Variants in AGBL1 observed in about 807,000 individuals in gnomAD.
The protein encoded by AGBL1 is cytosolic carboxypeptidase 4.
Under a neutral mutation model 118.9 loss-of-function variants are expected in AGBL1, and 130 were observed. The ratio of observed to expected loss-of-function variants is 1.09; its 90% confidence interval spans 0.95 to 1.26. The LOEUF is 1.26. Among genes scored for constraint, AGBL1 ranks in the 50% most tolerant of loss-of-function variants. AGBL1 has a pLI of 0.00. For synonymous variants in AGBL1, 555 were observed against 478.9 expected (o/e 1.16, Z -2.08); for missense variants, 1,584 against 1,298.1 (o/e 1.22, Z -3.38).
intron 6 of AGBL1, among the ~76,000 whole-genome samples, chr15:86,228,885 C>G (rs1401564372): frequency 6.6e-6 from 1 of 152,100 alleles, no homozygotes; most frequent in Admixed American, 6.6e-5. Context: ...ATTTGGGATC[C>G]TACAAATTAA....
intron 17 of AGBL1, among the ~76,000 whole-genome samples, chr15:86,387,644 T>C (rs2081216742): frequency 6.6e-6 from 1 of 152,184 alleles, no homozygotes; most frequent in African/African-American, 2.4e-5. Flanking sequence ...AAGAAAAAGA[T>C]TTGTAGGCTG....
chr15:86,829,323 G>T (rs1430664417), intron 22 of AGBL1, among the ~76,000 whole-genome samples: 2 of 152,090 alleles, frequency 1.3e-5, no homozygotes, highest in Admixed American at 6.6e-5. Context: ...AAACCGCAAG[G>T]GTCAAGTGGG....
intron 5 of AGBL1, among the ~76,000 whole-genome samples, chr15:86,184,428 T>G (rs1374239591): frequency 6.7e-6 from 1 of 149,142 alleles, no homozygotes; most frequent in Non-Finnish European, 1.5e-5. Flanking sequence ...ATTTCTTTTT[T>G]CTTTCTTTTT....
chr15:86,252,331 G>A (rs1050159036), intron 7 of AGBL1, among the ~76,000 whole-genome samples: 1 of 152,162 alleles, frequency 6.6e-6, no homozygotes, highest in African/African-American at 2.4e-5. Context: ...GAATTCTAAA[G>A]AGAATATTAC....
Position 86,526,544 on chromosome 15 carries a change from GTA to G in AGBL1, c.2685+3634_2685+3635del, listed in dbSNP as rs1555422465. ...TGCACACAGATATGTTTGTGTCTGT[GTA>G]TATATATATATATATATATATATAT... On this transcript the variant is annotated intron_variant, in intron 19 of 22. Transcript: ENST00000614907. 6.7e-3 allele frequency among the ~76,000 whole-genome samples: 799 copies of G among 119,422 alleles called. 3 individuals are homozygous for G. Among genetic ancestry groups the G allele is most frequent in the Non-Finnish European group, 7.5e-3 (446 of 59,446 alleles). The allele number at this position is 119,422 out of a possible 152,430, so 78.3% of individuals were successfully genotyped here. A position where few individuals can be genotyped will look rare whatever the true frequency, so the allele number is the denominator to read the frequency against.
At chr15:86,445,285 G>A (rs755901833) in intron 18 of AGBL1, among the ~76,000 whole-genome samples, 9 of 152,210 alleles carry the variant, frequency 5.9e-5, no homozygotes, top group African/African-American at 1.9e-4. Flanking sequence ...GTGAATGTGC[G>A]ATAGCCTTTG....
intron 16 of AGBL1, among the ~76,000 whole-genome samples, chr15:86,291,739 G>T (rs2079548039): frequency 6.6e-6 from 1 of 152,058 alleles, no homozygotes; most frequent in Admixed American, 6.6e-5. Flanking sequence ...TTCATGCTTA[G>T]CTAGTTGTGT....
chr15:86,947,747 A>G (rs2080840652), intron 23 of AGBL1, among the ~76,000 whole-genome samples: 2 of 152,170 alleles, frequency 1.3e-5, no homozygotes, highest in African/African-American at 4.8e-5. Context: ...AGTTAGCCTT[A>G]TATTTCTTAT....
rs16977986 is a variant in AGBL1, at chr15:86,788,810, A to G, written c.3158+114374A>G. Among the ~76,000 whole-genome samples the G allele has an allele frequency of 5.7e-3, 867 of 152,296 alleles. 11 individuals carry two copies. Among genetic ancestry groups the G allele is most frequent in the African/African-American group, 0.019 (802 of 41,566 alleles). ...TAAGGTACAAACATTTGAGTGAGCTATATGTGATGAGAAAGAATCAGACGT... is the reference window on the plus strand; with the variant it reads ...TAAGGTACAAACATTTGAGTGAGCTGTATGTGATGAGAAAGAATCAGACGT... On this transcript the variant is annotated intron_variant, in intron 22 of 22. Coordinates refer to ENST00000614907, the MANE Select transcript of AGBL1 (RefSeq NM_001386094.1).
chr15:86,237,628 G>C (rs1195190765), intron 6 of AGBL1, among the ~76,000 whole-genome samples: 1 of 152,138 alleles, frequency 6.6e-6, no homozygotes, highest in Non-Finnish European at 1.5e-5. Context: ...GGTTTAGCAA[G>C]TACTTCCTTC....
At chr15:86,949,184 C>A (rs1209266272) in intron 23 of AGBL1, among the ~76,000 whole-genome samples, 1 of 152,170 alleles carries the variant, frequency 6.6e-6, no homozygotes, top group African/African-American at 2.4e-5. Context: ...AATAATGACC[C>A]ATTAAGATTT....
chr15:86,326,405 C>G (rs1431534761), intron 17 of AGBL1, among the ~76,000 whole-genome samples: 2 of 152,010 alleles, frequency 1.3e-5, no homozygotes, highest in African/African-American at 4.8e-5. Context: ...TATAAGTATA[C>G]ATAGGAGAAG....
At chr15:86,674,159 A>T (rs1211763636) in intron 21 of AGBL1, 114 bp from the exon 22 acceptor site, 2 of 990,478 alleles carry the variant, frequency 2.0e-6, no homozygotes, top group Non-Finnish European at 3.0e-6. Context: ...AATACAATTA[A>T]TTCTCACTGT....
chr15:86,841,474 A>AT (rs1227190672), intron 22 of AGBL1, among the ~76,000 whole-genome samples: 11 of 152,260 alleles, frequency 7.2e-5, no homozygotes, highest in Non-Finnish European at 1.3e-4. Flanking sequence ...TTTTTAATTT[A>AT]TTTTTTAATT....
chr15:86,216,294 T>C (rs1379352189), intron 5 of AGBL1, among the ~76,000 whole-genome samples: 1 of 152,074 alleles, frequency 6.6e-6, no homozygotes, highest in Non-Finnish European at 1.5e-5. Context: ...ATCTCCAGTA[T>C]AATGTTAAGC....
At chr15:86,705,858 T>C (rs1405963177) in intron 22 of AGBL1, among the ~76,000 whole-genome samples, 2 of 152,164 alleles carry the variant, frequency 1.3e-5, no homozygotes, top group African/African-American at 2.4e-5. Flanking sequence ...ACATCTAGTT[T>C]GATTTTCATT....
At chr15:86,743,713 C>G (rs60572800) in intron 22 of AGBL1, among the ~76,000 whole-genome samples, 1 of 152,046 alleles carries the variant, frequency 6.6e-6, no homozygotes, top group Non-Finnish European at 1.5e-5. Flanking sequence ...GATTCTGATG[C>G]GGATGATCCC....
chr15:86,299,142 A>T (rs1022699938), intron 17 of AGBL1, among the ~76,000 whole-genome samples: 2 of 152,034 alleles, frequency 1.3e-5, no homozygotes, highest in African/African-American at 4.8e-5. Flanking sequence ...CCCTTTTTGA[A>T]ATGCTCCCAA....
chr15:86,292,811 A>T (rs1040216278), intron 16 of AGBL1, among the ~76,000 whole-genome samples: 1 of 152,208 alleles, frequency 6.6e-6, no homozygotes, highest in African/African-American at 2.4e-5. Flanking sequence ...GATGCTTTCT[A>T]TTGAAGAGTT....
Sources: allele counts gnomAD v4.1 joint callset (sites outside exome capture counted in the v4.1 genomes callset), GRCh38; gene constraint gnomAD v4.1.1; transcripts MANE v1.5; gene names NCBI Gene and HGNC (gene_info 2026-07-23, HGNC 2026-07-21).